The following UBE2V1 variants were observed in gnomAD, a reference collection of about 807,000 sequenced individuals.
The protein encoded by UBE2V1 is ubiquitin conjugating enzyme E2 V1.
In UBE2V1, 15 loss-of-function variants were observed where a neutral mutation model predicts 19.6. That is an observed-to-expected ratio of 0.77 (90% CI 0.51 to 1.18). UBE2V1 has a LOEUF of 1.18. Among genes scored for constraint, UBE2V1 ranks in the 50% most tolerant of loss-of-function variants. The probability of loss-of-function intolerance (pLI) is 0.00; values close to 1 mark genes in which losing one functional copy is unlikely to be tolerated. For synonymous variants in UBE2V1, 60 were observed against 60.7 expected (o/e 0.99, Z 0.05); for missense variants, 125 against 184.8 (o/e 0.68, Z 1.88).
chr20:50,115,501 T>C, upstream of UBE2V1: 5 of 1,584,046 alleles, frequency 3.2e-6, no homozygotes, highest in Non-Finnish European at 4.3e-6. Context: ...AGTGAAATTT[T>C]CTAGGTTCAA....
chr20:50,113,230 C>T (rs2080898177), upstream of UBE2V1: 6 of 951,140 alleles, frequency 6.3e-6, no homozygotes, highest in Non-Finnish European at 8.3e-6. Flanking sequence ...TACGCCGCCG[C>T]TGACGCCCGC....
At chr20:50,099,510 T>C (rs1487008513) in intron 1 of UBE2V1, among the ~76,000 whole-genome samples, 3 of 152,214 alleles carry the variant, frequency 2.0e-5, no homozygotes, top group Non-Finnish European at 4.4e-5. Flanking sequence ...ACTTTCTCTA[T>C]TTCCTGATTT....
At chr20:50,113,287 CT>C (rs759360739), upstream of UBE2V1, 29 of 495,806 alleles carry the variant, frequency 5.8e-5, 2 homozygotes, top group East Asian at 2.2e-4. Context: ...TTTTCCTTCC[CT>C]TTTAGAGAAA....
chr20:50,097,712 GAAAA>G (rs1213437463), intron 1 of UBE2V1, among the ~76,000 whole-genome samples: 3 of 152,032 alleles, frequency 2.0e-5, no homozygotes, highest in African/African-American at 7.2e-5. Context: ...ATTTTCTCTG[GAAAA>G]AACTCAGGAT....
chr20:50,112,739 G>C (rs915189948), intron 1 of UBE2V1, among the ~76,000 whole-genome samples: 2 of 152,154 alleles, frequency 1.3e-5, no homozygotes, highest in Non-Finnish European at 2.9e-5. Context: ...ATCCGCTGTG[G>C]GGCGCCTCCT....
intron 2 of UBE2V1, among the ~76,000 whole-genome samples, chr20:50,084,985 C>T (rs2078833742): frequency 6.6e-6 from 1 of 151,328 alleles, no homozygotes; most frequent in Non-Finnish European, 1.5e-5. Context: ...CAACCTCCGC[C>T]TCCCGGGTTC....
chr20:50,082,503 ACTTT>A lies in UBE2V1; in HGVS notation c.*261_*264del. On this transcript the variant is annotated 3_prime_UTR_variant, in exon 4 of 4. Transcript: ENST00000371674. ...TTATGATGGGAATCAATTTAAATAG[ACTTT>A]CTTGATCCCAGAAGTTCAACTACGT... 1 of 459,536 alleles carries A rather than the reference ACTTT, an allele frequency of 2.2e-6. No homozygotes were observed. Among genetic ancestry groups the A allele is most frequent in the Non-Finnish European group, 3.6e-6 (1 of 275,618 alleles). The allele number at this position is 459,536 out of a possible 1,614,324, so 28.5% of individuals were successfully genotyped here.
chr20:50,086,943 T>C (rs6095756), intron 2 of UBE2V1, among the ~76,000 whole-genome samples: 1 of 151,714 alleles, frequency 6.6e-6, no homozygotes, highest in African/African-American at 2.4e-5. Context: ...CGGGTGTGGT[T>C]GTGGGCGCCT....
intron 1 of UBE2V1, among the ~76,000 whole-genome samples, chr20:50,105,322 G>A (rs1377987000): frequency 3.3e-5 from 5 of 152,164 alleles, no homozygotes; most frequent in Non-Finnish European, 7.4e-5. Flanking sequence ...GTCCAAATAT[G>A]GTTGGAATTC....
intron 2 of UBE2V1, among the ~76,000 whole-genome samples, chr20:50,088,054 T>G (rs2079021971): frequency 6.6e-6 from 1 of 151,574 alleles, no homozygotes; most frequent in Non-Finnish European, 1.5e-5. Flanking sequence ...TTATAAATTT[T>G]TCCTGGGCCA....
At chr20:50,113,276 C>T (rs1438198778), upstream of UBE2V1, 2 of 539,876 alleles carry the variant, frequency 3.7e-6, no homozygotes, top group Admixed American at 4.4e-5. Flanking sequence ...CTGGAAGGCT[C>T]TTTTCCTTCC....
chr20:50,098,614 T>C (rs1029598245), intron 1 of UBE2V1, among the ~76,000 whole-genome samples: 1 of 152,164 alleles, frequency 6.6e-6, no homozygotes, highest in African/African-American at 2.4e-5. Flanking sequence ...TCCCAGGTTT[T>C]TGGTCCAAGC....
At chr20:50,098,718 A>T (rs1439182022) in intron 1 of UBE2V1, among the ~76,000 whole-genome samples, 1 of 152,220 alleles carries the variant, frequency 6.6e-6, no homozygotes, top group East Asian at 1.9e-4. Flanking sequence ...TATGTTTAAG[A>T]ATAACTTATT....
intron 2 of UBE2V1, among the ~76,000 whole-genome samples, chr20:50,086,474 G>C (rs551114747): frequency 1.3e-5 from 2 of 151,796 alleles, no homozygotes; most frequent in Non-Finnish European, 2.9e-5. Flanking sequence ...AAAAAACCCA[G>C]TAAACAGAAC....
At chr20:50,096,861 A>AG (rs1201579528) in intron 1 of UBE2V1, 41 bp from the exon 2 acceptor site, 1 of 1,612,120 alleles carries the variant, frequency 6.2e-7, no homozygotes, top group South Asian at 1.1e-5. Flanking sequence ...CAGCAACTCC[A>AG]GGGGAACTTG....
At chr20:50,087,539 G>C (rs1441110016) in intron 2 of UBE2V1, among the ~76,000 whole-genome samples, 5 of 152,126 alleles carry the variant, frequency 3.3e-5, no homozygotes, top group Non-Finnish European at 5.9e-5. Context: ...AGAATTGCTG[G>C]AACATTCTGC....
chr20:50,097,677 C>T (rs1373351926), intron 1 of UBE2V1, among the ~76,000 whole-genome samples: 2 of 152,184 alleles, frequency 1.3e-5, no homozygotes, highest in Non-Finnish European at 2.9e-5. Context: ...TCTCTCCTTC[C>T]TCCATTTTCC....
upstream of UBE2V1, chr20:50,115,563 C>G (rs776323983): frequency 2.4e-5 from 38 of 1,563,230 alleles, no homozygotes; most frequent in Non-Finnish European, 3.0e-5. Context: ...GACGCTTGAA[C>G]CTCTCCTGGC....
At chr20:50,106,348 G>A (rs1368632792) in intron 1 of UBE2V1, among the ~76,000 whole-genome samples, 2 of 152,206 alleles carry the variant, frequency 1.3e-5, no homozygotes, top group Non-Finnish European at 2.9e-5. Context: ...ATATTTGATA[G>A]AGCTTTACAC....
Sources: allele counts gnomAD v4.1 joint callset (sites outside exome capture counted in the v4.1 genomes callset), GRCh38; gene constraint gnomAD v4.1.1; transcripts MANE v1.5; gene names NCBI Gene and HGNC (gene_info 2026-07-23, HGNC 2026-07-21).